The following CCDC61 variants were observed in gnomAD, a reference collection of about 807,000 sequenced individuals.
The protein encoded by CCDC61 is coiled-coil domain containing 61.
In CCDC61, 55 loss-of-function variants were observed where a neutral mutation model predicts 63.0. That is an observed-to-expected ratio of 0.87 (90% CI 0.70 to 1.09). The LOEUF (loss-of-function observed/expected upper bound fraction) is 1.09. Among genes scored for constraint, CCDC61 ranks in the 50% least tolerant of loss-of-function variants. CCDC61 has a pLI of 0.00. For synonymous variants in CCDC61, 270 were observed against 317.0 expected (o/e 0.85, Z 1.58); for missense variants, 651 against 731.4 (o/e 0.89, Z 1.27).
At position 46,018,183 on chromosome 19, in the gene CCDC61, C is replaced by A. The variant is rs532996917; in HGVS notation, c.1441+33C>A. The A allele has an allele frequency of 2.9e-5, 46 of 1,579,366 alleles. No homozygotes were observed. In the African/African-American group the frequency reaches 5.1e-4, roughly 18 times the overall value. Reference sequence around the variant, plus strand: ...TGGGACTCCACATCCCCTCTCCCAGCCCCAGGACCCGTTGGAATGGTAGTG... The same window carrying A: ...TGGGACTCCACATCCCCTCTCCCAGACCCAGGACCCGTTGGAATGGTAGTG... On this transcript the variant is annotated intron_variant, in intron 13 of 13. Coordinates refer to ENST00000595358, the MANE Select transcript of CCDC61 (RefSeq NM_001267723.2). This position sits in a 1 kb window ranked among gnomAD's most constrained non-coding sequence, Gnocchi z 4.2.
At position 46,016,972 on chromosome 19, in the gene CCDC61, G is replaced by A. The variant is rs1968954921; in HGVS notation, c.1232-19G>A. Reference sequence around the variant, plus strand: ...GGGGCCAGCGAGGGCCAGCGGTCACGCCCTCCGTCTCCCTCTAGTGGACAG... The same window carrying A: ...GGGGCCAGCGAGGGCCAGCGGTCACACCCTCCGTCTCCCTCTAGTGGACAG... On this transcript the variant is annotated intron_variant, in intron 10 of 13. Transcript: ENST00000595358. This position sits in a 1 kb window ranked among gnomAD's most constrained non-coding sequence, Gnocchi z 7.2. 8.7e-6 allele frequency: 14 copies of A among 1,604,064 alleles called. No individual in the cohort carries two copies. In the East Asian group the frequency reaches 2.9e-4, roughly 33 times the overall value.
chr19:46,016,740 C>G lies in CCDC61; in HGVS notation c.1138C>G (p.Pro380Ala), dbSNP rs780355466. Reference sequence around the variant, plus strand: ...AGGCAGTGGGGGAAGCGGGGACGGTCCGTCCGTCTCCTGGTCTCGCCAGAC... The same window carrying G: ...AGGCAGTGGGGGAAGCGGGGACGGTGCGTCCGTCTCCTGGTCTCGCCAGAC... ...RLGSGGSGDGPSVSWSRQTQP... is the reference protein window; with the variant it reads ...RLGSGGSGDGASVSWSRQTQP... Residue 380 changes from proline (P) to alanine (A), a missense_variant, in exon 10 of 14, where the codon CCG (proline) becomes GCG (alanine). Coordinates refer to ENST00000595358, the MANE Select transcript of CCDC61 (RefSeq NM_001267723.2). This position sits in a 1 kb window ranked among gnomAD's most constrained non-coding sequence, Gnocchi z 7.2. The G allele has an allele frequency of 3.7e-6, 6 of 1,605,538 alleles. No individual in the cohort carries two copies. Among genetic ancestry groups the G allele is most frequent in the Admixed American group, 3.4e-5 (2 of 58,900 alleles).
chr19:46,006,556 C>T lies in CCDC61; in HGVS notation c.232-3C>T. ...GGCAGCTCCTCCTCTCCTCTCCTGA[C>T]AGAGTAGTGAGTCAGTCACCCTGGA... is the stretch of plus-strand genomic sequence containing the variant. On this transcript the variant is annotated splice_region_variant and splice_polypyrimidine_tract_variant and intron_variant, in intron 3 of 13. Coordinates refer to ENST00000595358, the MANE Select transcript of CCDC61 (RefSeq NM_001267723.2). The T allele has an allele frequency of 1.3e-6, 2 of 1,545,824 alleles. No homozygotes were observed. The highest frequency in any genetic ancestry group is 8.8e-7 in the Non-Finnish European group (1 of 1,140,312).
Position 46,015,836 on chromosome 19 carries a change from G to A in CCDC61, c.846-218G>A, listed in dbSNP as rs1449589578. Among the ~76,000 whole-genome samples the A allele has an allele frequency of 6.6e-6, 1 of 151,752 alleles. No individual in the cohort carries two copies. Among genetic ancestry groups the A allele is most frequent in the African/African-American group, 2.4e-5 (1 of 41,286 alleles). ...AAGAAGGGTCTGTTGAAGGCGGTGT[G>A]TTGAAAGGATGTAGGGGAATGACAG... On this transcript the variant is annotated intron_variant, in intron 7 of 13. Coordinates refer to ENST00000595358, the MANE Select transcript of CCDC61 (RefSeq NM_001267723.2). The surrounding 1 kb of genome is among the most constrained non-coding windows in gnomAD (Gnocchi z 5.3).
Position 46,015,094 on chromosome 19 carries a change from G to A in CCDC61, c.597G>A (p.Leu199=). The A allele has an allele frequency of 7.9e-6, 11 of 1,389,102 alleles. No homozygotes were observed. Among genetic ancestry groups the A allele is most frequent in the Non-Finnish European group, 9.3e-6 (10 of 1,072,196 alleles). 86.0% of individuals were successfully genotyped at this position (1,389,102 alleles called of 1,614,324 possible). A position where few individuals can be genotyped will look rare whatever the true frequency, so the allele number is the denominator to read the frequency against. The stretch of plus-strand genomic sequence containing the variant: ...AGAAGCGGGAGCTGGAGGCGCAGCT[G>A]GGCCGATCGCGCGAGGAGGCGCTGG... ...ASEKRELEAQ[L]GRSREEALAG... is the part of the protein sequence containing the mutation. The change falls in exon 6 of 14, where the codon CTG becomes CTA. Residue 199 remains leucine, a synonymous_variant. Coordinates refer to ENST00000595358, the MANE Select transcript of CCDC61 (RefSeq NM_001267723.2). The surrounding 1 kb of genome is among the most constrained non-coding windows in gnomAD (Gnocchi z 5.3).
intron 5 of CCDC61, 30 bp downstream of exon 5, chr19:46,008,331 C>A: frequency 2.0e-6 from 1 of 494,212 alleles, no homozygotes; most frequent in Non-Finnish European, 3.9e-6. Flanking sequence ...GCAGCTGGGG[C>A]GGGTGGGGGC....
Position 46,015,324 on chromosome 19 carries a change from G to C in CCDC61, c.763-21G>C, listed in dbSNP as rs1165897812. 1 of 1,592,840 alleles carries C rather than the reference G, an allele frequency of 6.3e-7. No homozygotes were observed. The highest frequency in any genetic ancestry group is 8.5e-7 in the Non-Finnish European group (1 of 1,176,020). ...CCTCGGCCTCAGCCTGGACCTCCGC[G>C]CCCCTCTCCCCTCCCGGCAGCTCGA... On this transcript the variant is annotated intron_variant, in intron 6 of 13. Transcript: ENST00000595358. This position sits in a 1 kb window ranked among gnomAD's most constrained non-coding sequence, Gnocchi z 5.3.
intron 1 of CCDC61, among the ~76,000 whole-genome samples, chr19:46,001,415 C>CG (rs1968589544): frequency 6.6e-6 from 1 of 152,012 alleles, no homozygotes; most frequent in East Asian, 1.9e-4. Flanking sequence ...TTAGTAGAGA[C>CG]GAGGTTTCAC....
chr19:46,006,604 G>C lies in CCDC61; in HGVS notation c.277G>C (p.Glu93Gln). Reference protein sequence around the residue: ...TLDLLTYTDLESLRNRKMGGR... With the variant: ...TLDLLTYTDLQSLRNRKMGGR... ...GGACCTGCTGACCTACACAGACCTG[G>C]AGTCCCTGCGGAACCGCAAGATGGG... is the stretch of plus-strand genomic sequence containing the variant. Residue 93 changes from glutamate to glutamine, a missense_variant, in exon 4 of 14, where the codon GAG becomes CAG. Coordinates refer to ENST00000595358, the MANE Select transcript of CCDC61 (RefSeq NM_001267723.2). 6.2e-7 allele frequency: 1 copy of C among 1,613,500 alleles called. No individual in the cohort carries two copies. The highest frequency in any genetic ancestry group is 8.5e-7 in the Non-Finnish European group (1 of 1,179,628).
chr19:46,008,855 C>T (rs1313077356), intron 5 of CCDC61, among the ~76,000 whole-genome samples: 1 of 152,096 alleles, frequency 6.6e-6, no homozygotes, highest in Non-Finnish European at 1.5e-5. Context: ...GGGTGGGGTA[C>T]CTGACCCTGC....
At position 46,002,977 on chromosome 19, in the gene CCDC61, C is replaced by T. The variant is rs773905314; in HGVS notation, c.-11-31C>T. The T allele has an allele frequency of 8.1e-5, 126 of 1,551,272 alleles. 1 individual carries two copies. The highest frequency in any genetic ancestry group is 1.1e-4 in the Non-Finnish European group (122 of 1,146,626). Reference sequence around the variant, plus strand: ...ACTCATGAGCCTGGGCTCTGAGCTCCTCTAGGTTTCTCTCTCATCTCCTTC... The same window carrying T: ...ACTCATGAGCCTGGGCTCTGAGCTCTTCTAGGTTTCTCTCTCATCTCCTTC... On this transcript the variant is annotated intron_variant, in intron 1 of 13. Transcript: ENST00000595358.
At position 46,008,295 on chromosome 19, in the gene CCDC61, G is replaced by C; in HGVS notation, c.545G>C (p.Arg182Pro). The C allele has an allele frequency of 6.9e-6, 11 of 1,599,962 alleles. No individual in the cohort carries two copies. The highest frequency in any genetic ancestry group is 9.4e-6 in the Non-Finnish European group (11 of 1,171,634). ...DTRENEIWHL[R>P]EQVSRLASEK... The stretch of plus-strand genomic sequence containing the variant: ...CGGGAGAATGAGATCTGGCATCTGC[G>C]GGAGCAGTGAGTCTTGGAGGGGTGG... Residue 182 changes from arginine to proline, a missense_variant, in exon 5 of 14, where the codon CGG (arginine) becomes CCG (proline). Coordinates refer to ENST00000595358, the MANE Select transcript of CCDC61 (RefSeq NM_001267723.2).
At chr19:46,017,108 G>A (rs1460596174) in intron 11 of CCDC61, 39 bp downstream of exon 11, 1 of 1,591,874 alleles carries the variant, frequency 6.3e-7, no homozygotes, top group African/African-American at 1.3e-5. Flanking sequence ...CCTCCAAAGG[G>A]TTTCTGGGGA....
chr19:46,001,782 A>G (rs1238751666), intron 1 of CCDC61, among the ~76,000 whole-genome samples: 1 of 152,226 alleles, frequency 6.6e-6, no homozygotes, highest in Non-Finnish European at 1.5e-5. Flanking sequence ...AGCCACTGAA[A>G]TGAACTTGCA....
chr19:46,016,651 G>T lies in CCDC61; in HGVS notation c.1092-43G>T. 1 of 1,607,410 alleles carries T rather than the reference G, an allele frequency of 6.2e-7. No homozygotes were observed. Among genetic ancestry groups the T allele is most frequent in the Admixed American group, 1.7e-5 (1 of 59,154 alleles). On this transcript the variant is annotated intron_variant, in intron 9 of 13. Transcript: ENST00000595358. The surrounding 1 kb of genome is among the most constrained non-coding windows in gnomAD (Gnocchi z 7.2). Reference sequence around the variant, plus strand: ...GGGCGCAGTGACCCCCTTGCCTGCAGGAGTTGGGCGTACAGACCGGCGTCT... The same window carrying T: ...GGGCGCAGTGACCCCCTTGCCTGCATGAGTTGGGCGTACAGACCGGCGTCT...
At chr19:45,998,328 A>G (rs1968530539) in intron 1 of CCDC61, among the ~76,000 whole-genome samples, 1 of 152,218 alleles carries the variant, frequency 6.6e-6, no homozygotes, top group African/African-American at 2.4e-5. Flanking sequence ...GCTTGTGTAT[A>G]GTTGGGACCC....
rs1352291488 is a variant in CCDC61 at position 46,016,272 on chromosome 19, A to G, written c.1016-46A>G. The G allele has an allele frequency of 6.2e-7, 1 of 1,608,424 alleles. No individual in the cohort carries two copies. Among genetic ancestry groups the G allele is most frequent in the Non-Finnish European group, 8.5e-7 (1 of 1,177,320 alleles). ...GGGAGGGGACGCACTGGCGCTGCCA[A>G]GGCCCGTCTCCGGACCTAGCCGCCT... On this transcript the variant is annotated intron_variant, in intron 8 of 13. Coordinates refer to ENST00000595358, the MANE Select transcript of CCDC61 (RefSeq NM_001267723.2). The surrounding 1 kb of genome is among the most constrained non-coding windows in gnomAD (Gnocchi z 7.2).
Position 46,016,834 on chromosome 19 carries a change from G to T in CCDC61, c.1231+1G>T. 1 of 1,496,474 alleles carries T rather than the reference G, an allele frequency of 6.7e-7. No individual in the cohort carries two copies. Among genetic ancestry groups the T allele is most frequent in the Non-Finnish European group, 8.9e-7 (1 of 1,117,886 alleles). 92.7% of individuals were successfully genotyped at this position (1,496,474 alleles called of 1,614,324 possible). A position where few individuals can be genotyped will look rare whatever the true frequency, so the allele number is the denominator to read the frequency against. On this transcript the variant is annotated splice_donor_variant, in intron 10 of 13. Transcript: ENST00000595358. LOFTEE classifies it high-confidence loss of function. The surrounding 1 kb of genome is among the most constrained non-coding windows in gnomAD (Gnocchi z 7.2). ...CGCTCCCGAAACCGCAGCTCCTCAG[G>T]TAACTGGCCTGGAGCTGGGGGCTGC...
At position 46,016,663 on chromosome 19, in the gene CCDC61, ACAGACC is replaced by A; in HGVS notation, c.1092-30_1092-25del. ...CCCCTTGCCTGCAGGAGTTGGGCGT[ACAGACC>A]GGCGTCTCCTTTCTTTTTTCCCAGG... On this transcript the variant is annotated intron_variant, in intron 9 of 13. Coordinates refer to ENST00000595358, the MANE Select transcript of CCDC61 (RefSeq NM_001267723.2). The surrounding 1 kb of genome is among the most constrained non-coding windows in gnomAD (Gnocchi z 7.2). 1 of 1,610,114 alleles carries A rather than the reference ACAGACC, an allele frequency of 6.2e-7. No individual in the cohort carries two copies. Among genetic ancestry groups the A allele is most frequent in the African/African-American group, 1.3e-5 (1 of 75,016 alleles).
Sources: allele counts gnomAD v4.1 joint callset (sites outside exome capture counted in the v4.1 genomes callset), GRCh38; gene constraint gnomAD v4.1.1; non-coding constraint Gnocchi (gnomAD v3.1); transcripts MANE v1.5; gene names NCBI Gene and HGNC (gene_info 2026-07-23, HGNC 2026-07-21).